The following PRSS3 variants were observed in gnomAD, a reference collection of about 807,000 sequenced individuals.
The protein encoded by PRSS3 is serine protease 3.
In PRSS3, 14 loss-of-function variants were observed where a neutral mutation model predicts 20.8. That is an observed-to-expected ratio of 0.67 (90% confidence interval 0.44 to 1.05). The LOEUF (loss-of-function observed/expected upper bound fraction) is 1.05. Among genes scored for constraint, PRSS3 ranks in the 50% least tolerant of loss-of-function variants. PRSS3 has a pLI of 0.00. For synonymous variants in PRSS3, 91 were observed against 117.6 expected (o/e 0.77, Z 1.46); for missense variants, 237 against 306.4 (o/e 0.77, Z 1.69).
chr9:33,764,906 A>G (rs1283482793), intron 1 of PRSS3, among the ~76,000 whole-genome samples: 8 of 152,232 alleles, frequency 5.3e-5, no homozygotes, highest in African/African-American at 1.7e-4. Context: ...ACATGAAAAG[A>G]TGCTCAACAT....
At chr9:33,773,341 T>G (rs1446903853) in intron 1 of PRSS3, among the ~76,000 whole-genome samples, 1 of 152,216 alleles carries the variant, frequency 6.6e-6, no homozygotes, top group Non-Finnish European at 1.5e-5. Flanking sequence ...TTGGTTGCTA[T>G]TTTTAATACT....
chr9:33,773,085 C>G (rs1421316982), intron 1 of PRSS3, among the ~76,000 whole-genome samples: 1 of 152,144 alleles, frequency 6.6e-6, no homozygotes, highest in Non-Finnish European at 1.5e-5. Context: ...TCCTTGGCAC[C>G]ATTTCCTCTC....
upstream of PRSS3, among the ~76,000 whole-genome samples, chr9:33,792,264 G>A (rs1824666137): frequency 6.6e-6 from 1 of 152,110 alleles, no homozygotes; most frequent in African/African-American, 2.4e-5. Context: ...AATGATAAAG[G>A]ATGCTGGAAC....
At chr9:33,766,358 G>A (rs1320764774) in intron 1 of PRSS3, among the ~76,000 whole-genome samples, 1 of 150,702 alleles carries the variant, frequency 6.6e-6, no homozygotes, top group African/African-American at 2.4e-5. Flanking sequence ...TGGATCACAA[G>A]GTCAGGAAAT....
At chr9:33,769,409 G>C (rs1316100420) in intron 1 of PRSS3, among the ~76,000 whole-genome samples, 2 of 152,170 alleles carry the variant, frequency 1.3e-5, no homozygotes, top group Middle Eastern at 3.2e-3. Context: ...AGGAACTTCT[G>C]TGGAGGGCCC....
At chr9:33,775,653 C>T (rs1823887656) in intron 1 of PRSS3, among the ~76,000 whole-genome samples, 1 of 151,676 alleles carries the variant, frequency 6.6e-6, no homozygotes. Context: ...CTTCTCCAAG[C>T]CCCACACAGA....
chr9:33,777,321 T>G (rs1331900130), intron 1 of PRSS3, among the ~76,000 whole-genome samples: 1 of 151,896 alleles, frequency 6.6e-6, no homozygotes, highest in African/African-American at 2.4e-5. Context: ...AAAGAAATAA[T>G]ACCAGTTGGA....
chr9:33,763,838 T>C (rs187895633), intron 1 of PRSS3, among the ~76,000 whole-genome samples: 1 of 152,226 alleles, frequency 6.6e-6, no homozygotes, highest in Admixed American at 6.5e-5. Flanking sequence ...TGACTAGAAC[T>C]CTGCCCACAC....
chr9:33,766,263 C>CA (rs67834191), intron 1 of PRSS3, among the ~76,000 whole-genome samples: 13,311 of 72,248 alleles, frequency 0.18, 2,941 homozygotes, highest in Non-Finnish European at 0.22. Context: ...GATTCCGTCT[C>CA]AAAAAAAAAA....
intron 1 of PRSS3, among the ~76,000 whole-genome samples, chr9:33,790,254 T>C (rs1238904046): frequency 1.3e-5 from 2 of 152,222 alleles, no homozygotes; most frequent in African/African-American, 4.8e-5. Flanking sequence ...ATACAATATG[T>C]AGTTTTAGAA....
chr9:33,757,563 C>T (rs1823008363), intron 1 of PRSS3, among the ~76,000 whole-genome samples: 1 of 151,718 alleles, frequency 6.6e-6, no homozygotes, highest in East Asian at 1.9e-4. Context: ...CTTTAGCTTC[C>T]TAAGGCCTCT....
At chr9:33,784,242 T>G (rs1350126385) in intron 1 of PRSS3, among the ~76,000 whole-genome samples, 1 of 152,152 alleles carries the variant, frequency 6.6e-6, no homozygotes, top group Admixed American at 6.5e-5. Flanking sequence ...AGGCAAAGAT[T>G]TGGAATTTAG....
intron 1 of PRSS3, among the ~76,000 whole-genome samples, chr9:33,772,453 C>T (rs555581114): frequency 9.9e-5 from 15 of 152,270 alleles, no homozygotes; most frequent in Admixed American, 7.8e-4. Context: ...CCGTTGTGAG[C>T]CATTGGACTC....
At chr9:33,789,001 CTT>C (rs1824522095) in intron 1 of PRSS3, among the ~76,000 whole-genome samples, 1 of 152,150 alleles carries the variant, frequency 6.6e-6, no homozygotes, top group Non-Finnish European at 1.5e-5. Context: ...AGAAAATCCA[CTT>C]GGGTCATTTA....
chr9:33,779,644 A>T (rs1375521809), intron 1 of PRSS3, among the ~76,000 whole-genome samples: 1 of 152,122 alleles, frequency 6.6e-6, no homozygotes, highest in Admixed American at 6.6e-5. Context: ...CGAGGCCGGC[A>T]GATCACGAGT....
chr9:33,794,615 C>T, upstream of PRSS3: 1 of 1,113,048 alleles, frequency 9.0e-7, no homozygotes, highest in Non-Finnish European at 1.2e-6. Context: ...CTACCTACTG[C>T]TGATTCTCAG....
At chr9:33,780,909 G>C (rs1824156739) in intron 1 of PRSS3, among the ~76,000 whole-genome samples, 1 of 152,174 alleles carries the variant, frequency 6.6e-6, no homozygotes, top group Non-Finnish European at 1.5e-5. Context: ...CCTATGAAAA[G>C]ATTTAGACAA....
intron 1 of PRSS3, among the ~76,000 whole-genome samples, chr9:33,769,893 C>T (rs896191242): frequency 2.6e-5 from 4 of 152,322 alleles, no homozygotes; most frequent in East Asian, 1.9e-4. Flanking sequence ...GGGCTGGGCG[C>T]GGTGGCTCAC....
chr9:33,794,297 G>A (rs796332469), upstream of PRSS3, among the ~76,000 whole-genome samples: 1 of 152,136 alleles, frequency 6.6e-6, no homozygotes, highest in Non-Finnish European at 1.5e-5. Context: ...TCACCAACCT[G>A]AGCTCAGAGT....
Sources: gnomAD v4.1 joint callset for allele counts (sites outside exome capture counted in the v4.1 genomes callset) on GRCh38, gnomAD v4.1.1 for gene constraint, MANE v1.5 for transcripts, NCBI Gene and HGNC (gene_info 2026-07-23, HGNC 2026-07-21) for gene names.